The following ELF1 variants were observed in gnomAD, a reference collection of about 807,000 sequenced individuals.
The protein encoded by ELF1 is E74 like ETS transcription factor 1, also known as ETS-related transcription factor Elf-1.
Under a neutral mutation model 59.9 loss-of-function variants are expected in ELF1, and 24 were observed. The observed-to-expected ratio is 0.40, with a 90% CI of 0.29 to 0.56. The LOEUF (loss-of-function observed/expected upper bound fraction) is 0.56. Ranked by LOEUF, ELF1 falls within the 20% of genes least tolerant of loss-of-function variation. The pLI is 0.44. For synonymous variants in ELF1, 248 were observed against 266.2 expected, an observed-to-expected ratio of 0.93 and a Z score of 0.67; for missense variants, 627 against 742.2, an observed-to-expected ratio of 0.84 and a Z score of 1.80.
At position 40,955,522 on chromosome 13, in the gene ELF1, C is replaced by T. The variant is rs1482726747; in HGVS notation, c.253+3314G>A. Among the ~76,000 whole-genome samples the T allele has an allele frequency of 5.4e-5, 5 of 92,688 alleles. 1 individual carries two copies. Among genetic ancestry groups the T allele is most frequent in the African/African-American group, 2.0e-4 (5 of 24,928 alleles). 60.8% of individuals were successfully genotyped at this position (92,688 alleles called of 152,430 possible). Reference sequence around the variant, plus strand: ...GGAAGTGAGGAGTCCCTCTGCCCGGCCAGCCGCCCCGTCCGGGAAGTAGGT... The same window carrying T: ...GGAAGTGAGGAGTCCCTCTGCCCGGTCAGCCGCCCCGTCCGGGAAGTAGGT... On this transcript the variant is annotated intron_variant, in intron 3 of 8. Coordinates refer to ENST00000239882, the MANE Select transcript of ELF1 (RefSeq NM_172373.4).
intron 1 of ELF1, among the ~76,000 whole-genome samples, chr13:41,005,450 CAAAAAAAA>C (rs11383900): frequency 1.8e-5 from 1 of 55,002 alleles, no homozygotes; most frequent in Non-Finnish European, 3.4e-5. Flanking sequence ...TATACCTATC[CAAAAAAAA>C]AAAAAAAAAA....
In ELF1 at chr13:41,013,336, T is replaced by C. The variant is rs182872639; in HGVS notation, c.-229+5892A>G. On this transcript the variant is annotated intron_variant, in intron 1 of 8. Coordinates refer to ENST00000239882, the MANE Select transcript of ELF1 (RefSeq NM_172373.4). ...GAACCATGTACAAGTGTTCCCAAGCTCAAAATAATCTAATGCCATCAACAA... is the reference window on the plus strand; with the variant it reads ...GAACCATGTACAAGTGTTCCCAAGCCCAAAATAATCTAATGCCATCAACAA... 3.6e-4 allele frequency among the ~76,000 whole-genome samples: 55 copies of C among 152,260 alleles called. 1 individual carries two copies. In the East Asian group the frequency reaches 0.01, roughly 29 times the overall value.
At chr13:41,055,300 C>G (rs1877243942) in intron 1 of ELF1, among the ~76,000 whole-genome samples, 1 of 151,902 alleles carries the variant, frequency 6.6e-6, no homozygotes, top group African/African-American at 2.4e-5. Context: ...CCATTCCTAT[C>G]CTACCTGCAC....
At chr13:41,048,879 C>T (rs1210132779) in intron 1 of ELF1, among the ~76,000 whole-genome samples, 1 of 152,128 alleles carries the variant, frequency 6.6e-6, no homozygotes, top group Non-Finnish European at 1.5e-5. Flanking sequence ...CTCACCTACT[C>T]ATTTCTTCAT....
intron 2 of ELF1, among the ~76,000 whole-genome samples, chr13:40,975,082 A>G (rs1415523767): frequency 6.6e-6 from 1 of 152,234 alleles, no homozygotes; most frequent in Non-Finnish European, 1.5e-5. Context: ...GAAGGCAACC[A>G]AAGCAGATAG....
chr13:40,943,226 G>T, intron 6 of ELF1, 82 bp from the exon 7 acceptor site: 1 of 1,208,396 alleles, frequency 8.3e-7, no homozygotes, highest in Non-Finnish European at 1.1e-6. Context: ...AGTCTTAGAA[G>T]TGCCATTTAT....
chr13:40,993,402 C>A (rs754552445), intron 1 of ELF1: 2 of 765,638 alleles, frequency 2.6e-6, no homozygotes, highest in Non-Finnish European at 2.2e-6. Flanking sequence ...CTGGGGGGAG[C>A]GGGGCTGGGC....
At chr13:41,048,963 TAATGACCTCCCAGGGCTAAATCC>T (rs1566200521) in intron 1 of ELF1, among the ~76,000 whole-genome samples, 1 of 152,198 alleles carries the variant, frequency 6.6e-6, no homozygotes, top group Non-Finnish European at 1.5e-5. Flanking sequence ...TAACTAAAGT[TAATGACCTCCCAGGGCTAAATCC>T]AATGAACACT....
At chr13:41,039,353 A>C (rs1189687929) in intron 1 of ELF1, among the ~76,000 whole-genome samples, 1 of 151,736 alleles carries the variant, frequency 6.6e-6, no homozygotes, top group African/African-American at 2.4e-5. Context: ...AAAAAAAAAA[A>C]AAAACCTATT....
At chr13:40,940,829 T>C (rs1870109301) in intron 8 of ELF1, 92 bp downstream of exon 8, 3 of 1,374,296 alleles carry the variant, frequency 2.2e-6, no homozygotes, top group Non-Finnish European at 2.9e-6. Flanking sequence ...TATACTTTTA[T>C]TTTCATTTCT....
At chr13:40,967,460 T>C (rs1872251292) in intron 2 of ELF1, among the ~76,000 whole-genome samples, 2 of 152,240 alleles carry the variant, frequency 1.3e-5, no homozygotes, top group African/African-American at 4.8e-5. Context: ...AATAAATCAT[T>C]TGTGATAATG....
intron 1 of ELF1, among the ~76,000 whole-genome samples, chr13:41,049,025 C>A (rs1206117837): frequency 6.6e-6 from 1 of 152,196 alleles, no homozygotes; most frequent in African/African-American, 2.4e-5. Context: ...AGACCTATCA[C>A]TTTAAACACT....
rs1177276206 is a variant in ELF1, at chr13:41,042,126, G to C, written c.-229+18712C>G. Among the ~76,000 whole-genome samples, 3 of 152,000 alleles carry C rather than the reference G, an allele frequency of 2.0e-5. No homozygotes were observed. The East Asian group carries it at 5.8e-4, about 29-fold the overall frequency. ...CAACCTCTGCCTCCCAGGTTCAAGGGATCCTCCTACCTGAGCCTCCTGAGT... is the reference window on the plus strand; with the variant it reads ...CAACCTCTGCCTCCCAGGTTCAAGGCATCCTCCTACCTGAGCCTCCTGAGT... On this transcript the variant is annotated intron_variant, in intron 1 of 1. Transcript: ENST00000405737.
At chr13:41,000,752 T>C (rs1276206651) in intron 1 of ELF1, among the ~76,000 whole-genome samples, 1 of 152,166 alleles carries the variant, frequency 6.6e-6, no homozygotes, top group Non-Finnish European at 1.5e-5. Flanking sequence ...GTTTACAAAG[T>C]AAAACATGTA....
At chr13:40,949,090 A>C (rs924874874) in intron 5 of ELF1, among the ~76,000 whole-genome samples, 2 of 152,004 alleles carry the variant, frequency 1.3e-5, no homozygotes, top group Non-Finnish European at 2.9e-5. Context: ...GGTTCAAGTG[A>C]TTCTCCTGCC....
At chr13:41,040,310 T>C (rs926280479) in intron 1 of ELF1, among the ~76,000 whole-genome samples, 3 of 152,196 alleles carry the variant, frequency 2.0e-5, no homozygotes, top group African/African-American at 7.2e-5. Flanking sequence ...CATACTGCTA[T>C]TGTCTAAATA....
intron 1 of ELF1, among the ~76,000 whole-genome samples, chr13:41,060,570 A>G (rs1406405275): frequency 6.6e-6 from 1 of 152,062 alleles, no homozygotes; most frequent in African/African-American, 2.4e-5. Context: ...ACGGCGTGGC[A>G]CTCGAGGCTC....
At chr13:40,956,571 CAA>C (rs34245662) in intron 3 of ELF1, among the ~76,000 whole-genome samples, 29,184 of 75,708 alleles carry the variant, frequency 0.39, 2,893 homozygotes, top group African/African-American at 0.49. Context: ...CAAGAATGAT[CAA>C]AAAAAAAAAA....
intron 1 of ELF1, among the ~76,000 whole-genome samples, chr13:41,058,739 G>A (rs550899778): frequency 3.3e-5 from 5 of 152,214 alleles, no homozygotes; most frequent in East Asian, 1.9e-4. Flanking sequence ...TTGGGAGGCC[G>A]AGGTGGGTGG....
Sources: allele counts gnomAD v4.1 joint callset (sites outside exome capture counted in the v4.1 genomes callset), GRCh38; gene constraint gnomAD v4.1.1; transcripts MANE v1.5; gene names NCBI Gene and HGNC (gene_info 2026-07-23, HGNC 2026-07-21).